Variants in SLCO3A1 observed in about 807,000 individuals in gnomAD.
SLCO3A1 encodes the protein solute carrier organic anion transporter family member 3A1.
Under a neutral mutation model 63.1 loss-of-function variants are expected in SLCO3A1, and 27 were observed. That is an observed-to-expected ratio of 0.43 (90% CI 0.32 to 0.59). SLCO3A1 has a LOEUF of 0.59. SLCO3A1 is among the 20% of genes least tolerant of loss of function. The pLI, the probability that SLCO3A1 is intolerant of heterozygous loss-of-function variation, is 0.09. For missense variants in SLCO3A1, 773 were observed against 945.8 expected (o/e 0.82, Z 2.40); for synonymous variants, 473 against 409.9 (o/e 1.15, Z -1.86).
chr15:92,120,736 C>T, intron 5 of SLCO3A1, 107 bp downstream of exon 5: 1 of 895,174 alleles, frequency 1.1e-6, no homozygotes, highest in Non-Finnish European at 1.8e-6. Context: ...TGCTCTGGGC[C>T]TACAGCAACA....
At chr15:92,052,145 C>T (rs1340069014) in intron 2 of SLCO3A1, among the ~76,000 whole-genome samples, 1 of 152,144 alleles carries the variant, frequency 6.6e-6, no homozygotes, top group East Asian at 1.9e-4. Context: ...TGAGTGTGCA[C>T]AGAACTTGTG....
chr15:91,880,745 T>A (rs141457962), intron 1 of SLCO3A1, among the ~76,000 whole-genome samples: 274 of 152,268 alleles, frequency 1.8e-3, no homozygotes, highest in Non-Finnish European at 3.4e-3. Flanking sequence ...GGTACTCCTG[T>A]TAGTTAACCG....
rs922710400 is a variant in SLCO3A1 at position 91,950,279 on chromosome 15, G to T, written c.646+33821G>T. ...GGGTGTGTGTATTGTGGAGGGGATT[G>T]CAGGGGGCTGGGGAAGCAGAGATCA... On this transcript the variant is annotated intron_variant, in intron 2 of 9. Transcript: ENST00000318445. The surrounding 1 kb of genome is among the most constrained non-coding windows in gnomAD (Gnocchi z 4.4). Among the ~76,000 whole-genome samples the T allele has an allele frequency of 3.9e-5, 6 of 152,216 alleles. No homozygotes were observed. The highest frequency in any genetic ancestry group is 1.2e-4 in the African/African-American group (5 of 41,456).
intron 3 of SLCO3A1, 139 bp downstream of exon 3, chr15:92,095,118 C>T (rs980049331): frequency 2.2e-5 from 13 of 589,652 alleles, no homozygotes; most frequent in African/African-American, 5.5e-5. Flanking sequence ...GGGGCTCACC[C>T]GAGATTAGAT....
At chr15:92,115,342 T>C (rs983337854) in intron 4 of SLCO3A1, among the ~76,000 whole-genome samples, 1 of 151,916 alleles carries the variant, frequency 6.6e-6, no homozygotes, top group Non-Finnish European at 1.5e-5. Context: ...CCACTTCACC[T>C]TCTTTCCCTT....
chr15:92,095,317 G>A lies in SLCO3A1; in HGVS notation c.745+338G>A, dbSNP rs953089443. 2.0e-5 allele frequency among the ~76,000 whole-genome samples: 3 copies of A among 152,214 alleles called. No homozygotes were observed. The South Asian group carries it at 6.2e-4, about 32-fold the overall frequency. Reference sequence around the variant, plus strand: ...AGAATTTAATGAGAGTGTCTGTGTAGAAATGCTTGGCATATCCTCATTGAG... The same window carrying A: ...AGAATTTAATGAGAGTGTCTGTGTAAAAATGCTTGGCATATCCTCATTGAG... On this transcript the variant is annotated intron_variant, in intron 3 of 9. Coordinates refer to ENST00000318445, the MANE Select transcript of SLCO3A1 (RefSeq NM_013272.4).
At chr15:91,901,232 T>C (rs74640375) in intron 1 of SLCO3A1, among the ~76,000 whole-genome samples, 1,649 of 152,326 alleles carry the variant, frequency 0.011, 30 homozygotes, top group African/African-American at 0.038. Context: ...TAAAATTCTC[T>C]AGAACATGGA....
At chr15:92,114,397 A>G (rs1171328698) in intron 4 of SLCO3A1, among the ~76,000 whole-genome samples, 1 of 152,156 alleles carries the variant, frequency 6.6e-6, no homozygotes, top group Non-Finnish European at 1.5e-5. Context: ...CGTGGTGCTC[A>G]CATCTAATGA....
In SLCO3A1 at chr15:91,856,908, A is replaced by AT. The variant is rs1567158587; in HGVS notation, c.180+2827dup. Among the ~76,000 whole-genome samples, 1 of 151,738 alleles carries AT rather than the reference A, an allele frequency of 6.6e-6. No homozygotes were observed. Among genetic ancestry groups the AT allele is most frequent in the Non-Finnish European group, 1.5e-5 (1 of 67,938 alleles). ...TAAAATATTGCAGTTTCATTTCCTT[A>AT]TTTTTTTCTGAAAAGACAAATTTCT... is the stretch of plus-strand genomic sequence containing the variant. On this transcript the variant is annotated intron_variant, in intron 1 of 9. Transcript: ENST00000318445. This position sits in a 1 kb window ranked among gnomAD's most constrained non-coding sequence, Gnocchi z 4.9.
intron 2 of SLCO3A1, among the ~76,000 whole-genome samples, chr15:91,947,031 C>T (rs1899831467): frequency 6.6e-6 from 1 of 152,220 alleles, no homozygotes; most frequent in Non-Finnish European, 1.5e-5. Context: ...CTTAAAGCAG[C>T]ACAAAGCAAG....
At chr15:91,888,385 T>C (rs547110483) in intron 1 of SLCO3A1, among the ~76,000 whole-genome samples, 3 of 152,320 alleles carry the variant, frequency 2.0e-5, no homozygotes, top group South Asian at 2.1e-4. Flanking sequence ...TGCCCTTTGC[T>C]CTTCATTCAC....
rs181311429 is a variant in SLCO3A1, at chr15:92,132,845, G to T, written c.1512+4356G>T. On this transcript the variant is annotated intron_variant, in intron 7 of 9. Coordinates refer to ENST00000318445, the MANE Select transcript of SLCO3A1 (RefSeq NM_013272.4). The stretch of plus-strand genomic sequence containing the variant: ...AGGCAGGCAGCTCATGGTTCAGTGT[G>T]ACGGGTCTCAATACAGGCCGCACCT... Among the ~76,000 whole-genome samples, 143 of 145,534 alleles carry T rather than the reference G, an allele frequency of 9.8e-4. 12 individuals carry two copies. The highest frequency in any genetic ancestry group is 3.4e-3 in the Middle Eastern group (1 of 290).
chr15:91,879,952 G>A (rs1897512338), intron 1 of SLCO3A1, among the ~76,000 whole-genome samples: 1 of 152,224 alleles, frequency 6.6e-6, no homozygotes, highest in South Asian at 2.1e-4. Context: ...GTCCCAGGAA[G>A]GGCCCTTGGA....
chr15:91,913,606 G>GT (rs1469361467), intron 1 of SLCO3A1, among the ~76,000 whole-genome samples: 2 of 151,136 alleles, frequency 1.3e-5, no homozygotes, highest in Non-Finnish European at 3.0e-5. Flanking sequence ...TTTTTGGTTT[G>GT]TTTTTTTAGT....
At chr15:91,959,419 C>T (rs1472394788) in intron 2 of SLCO3A1, among the ~76,000 whole-genome samples, 2 of 151,936 alleles carry the variant, frequency 1.3e-5, no homozygotes, top group Non-Finnish European at 2.9e-5. Flanking sequence ...ACTCCAAAAA[C>T]GATTGAAATT....
intron 9 of SLCO3A1, among the ~76,000 whole-genome samples, chr15:92,152,492 A>G (rs1254887786): frequency 3.9e-5 from 6 of 152,192 alleles, no homozygotes; most frequent in Non-Finnish European, 7.4e-5. Flanking sequence ...TGCCCCAATT[A>G]AAACAAGTTC....
At chr15:92,063,154 C>G (rs2047107444) in intron 2 of SLCO3A1, among the ~76,000 whole-genome samples, 1 of 152,206 alleles carries the variant, frequency 6.6e-6, no homozygotes, top group Non-Finnish European at 1.5e-5. Flanking sequence ...CAGATACGCT[C>G]TGATGTTTTA....
In SLCO3A1 at chr15:92,151,026, C is replaced by G. The variant is rs2048298719; in HGVS notation, c.1753+12C>G. ...CCTTCGTTTGTTGGGTATGTATTAT[C>G]TCTTTATTTCCTCAATAATGAATTG... On this transcript the variant is annotated intron_variant, in intron 9 of 9. Transcript: ENST00000318445. 1 of 1,579,294 alleles carries G rather than the reference C, an allele frequency of 6.3e-7. No homozygotes were observed. Among genetic ancestry groups the G allele is most frequent in the Non-Finnish European group, 8.7e-7 (1 of 1,151,572 alleles).
At chr15:91,855,292 G>T (rs1432289072) in intron 1 of SLCO3A1, among the ~76,000 whole-genome samples, 1 of 152,132 alleles carries the variant, frequency 6.6e-6, no homozygotes, top group African/African-American at 2.4e-5. Flanking sequence ...ATCTCTTAAG[G>T]CTCAGGGCTC....
Sources: gnomAD v4.1 joint callset for allele counts (sites outside exome capture counted in the v4.1 genomes callset) on GRCh38, gnomAD v4.1.1 for gene constraint, Gnocchi (gnomAD v3.1) non-coding constraint, MANE v1.5 for transcripts, NCBI Gene and HGNC (gene_info 2026-07-23, HGNC 2026-07-21) for gene names.